NRXN1: variants seen among roughly 807,000 people sequenced by gnomAD.
The protein encoded by NRXN1 is neurexin-1.
A neutral mutation model predicts 150.9 loss-of-function variants in NRXN1; 39 were observed. That is an observed-to-expected ratio of 0.26 (90% CI 0.20 to 0.34). The LOEUF is 0.34. NRXN1 is among the 10% of genes least tolerant of loss of function. The probability of loss-of-function intolerance (pLI) is 1.00; values close to 1 mark genes in which losing one functional copy is unlikely to be tolerated. For missense variants in NRXN1, 1,815 were observed against 1,949.9 expected (o/e 0.93, Z 1.30); for synonymous variants, 924 against 757.0 (o/e 1.22, Z -3.62).
intron 8 of NRXN1, among the ~76,000 whole-genome samples, chr2:50,600,608 A>C (rs1325495655): frequency 2.0e-5 from 3 of 152,180 alleles, no homozygotes; most frequent in Non-Finnish European, 4.4e-5. Context: ...TACAGGCATA[A>C]GCCATCACGC....
intron 17 of NRXN1, among the ~76,000 whole-genome samples, chr2:50,461,583 G>C (rs1200219718): frequency 1.3e-5 from 2 of 151,958 alleles, no homozygotes; most frequent in Non-Finnish European, 1.5e-5. Context: ...GGACGAATGT[G>C]TAAGTATTAA....
At chr2:50,769,014 G>A (rs1483206605) in intron 5 of NRXN1, among the ~76,000 whole-genome samples, 1 of 151,944 alleles carries the variant, frequency 6.6e-6, no homozygotes, top group African/African-American at 2.4e-5. Context: ...CCAGCTTCCT[G>A]GGAAATAAAG....
intron 5 of NRXN1, among the ~76,000 whole-genome samples, chr2:50,628,617 G>A (rs1681637343): frequency 6.6e-6 from 1 of 151,654 alleles, no homozygotes; most frequent in African/African-American, 2.4e-5. Flanking sequence ...ATACTAAGCA[G>A]CAGAGTGTTT....
intron 2 of NRXN1, among the ~76,000 whole-genome samples, chr2:50,996,755 G>C (rs1342502740): frequency 6.6e-6 from 1 of 152,006 alleles, no homozygotes; most frequent in Non-Finnish European, 1.5e-5. Context: ...CTAGGACTCA[G>C]TCAACAGCCA....
At chr2:50,315,386 G>A (rs1331433746) in intron 17 of NRXN1, among the ~76,000 whole-genome samples, 2 of 152,076 alleles carry the variant, frequency 1.3e-5, no homozygotes, top group African/African-American at 2.4e-5. Context: ...TAAGATAGAA[G>A]GATGGAACAT....
At chr2:50,040,041 A>T (rs1452584558) in intron 21 of NRXN1, among the ~76,000 whole-genome samples, 1 of 152,144 alleles carries the variant, frequency 6.6e-6, no homozygotes, top group Non-Finnish European at 1.5e-5. Context: ...TGGTAATCTA[A>T]ATGGTCTTCA....
chr2:50,665,026 A>C (rs72885684), intron 5 of NRXN1, among the ~76,000 whole-genome samples: 4,042 of 152,120 alleles, frequency 0.027, 184 homozygotes, highest in African/African-American at 0.091. Context: ...CTAAAAGCAT[A>C]ATTAACTTGT....
chr2:50,329,847 T>A (rs545307335), intron 17 of NRXN1, among the ~76,000 whole-genome samples: 27 of 150,666 alleles, frequency 1.8e-4, no homozygotes, highest in African/African-American at 5.1e-4. Context: ...CTAATTTTTT[T>A]AATTTTAATA....
At chr2:50,469,563 G>C (rs1343724383) in intron 16 of NRXN1, among the ~76,000 whole-genome samples, 1 of 151,368 alleles carries the variant, frequency 6.6e-6, no homozygotes, top group African/African-American at 2.4e-5. Flanking sequence ...TTTAGAAAGA[G>C]AATTTATTAG....
chr2:50,039,708 T>C (rs1690626800), intron 21 of NRXN1, among the ~76,000 whole-genome samples: 1 of 152,100 alleles, frequency 6.6e-6, no homozygotes, highest in Non-Finnish European at 1.5e-5. Context: ...AGATAAGGTT[T>C]GATAGAATTA....
At chr2:50,501,350 G>A (rs72831021) in intron 13 of NRXN1, among the ~76,000 whole-genome samples, 7,949 of 151,710 alleles carry the variant, frequency 0.052, 329 homozygotes, top group Middle Eastern at 0.1. Context: ...CAGAGCTAAG[G>A]AGGATTTGAA....
At chr2:50,425,595 G>T (rs2104311264) in intron 17 of NRXN1, among the ~76,000 whole-genome samples, 1 of 152,288 alleles carries the variant, frequency 6.6e-6, no homozygotes, top group South Asian at 2.1e-4. Context: ...CTTGATCTTT[G>T]TAAATTAAGA....
chr2:50,406,281 A>C (rs1348109085), intron 17 of NRXN1, among the ~76,000 whole-genome samples: 1 of 152,170 alleles, frequency 6.6e-6, no homozygotes, highest in Non-Finnish European at 1.5e-5. Context: ...CACAGTCATA[A>C]ATCTGTTCTA....
intron 2 of NRXN1, among the ~76,000 whole-genome samples, chr2:51,003,773 T>G (rs943527139): frequency 1.3e-5 from 2 of 151,910 alleles, no homozygotes; most frequent in East Asian, 3.9e-4. Flanking sequence ...GAAGGAAAAG[T>G]TGACTAATTG....
At chr2:50,283,332 G>A (rs1302855104) in intron 17 of NRXN1, among the ~76,000 whole-genome samples, 2 of 152,258 alleles carry the variant, frequency 1.3e-5, no homozygotes, top group East Asian at 3.9e-4. Context: ...CATCTCTGAA[G>A]ATGCATTTAT....
chr2:50,468,981 T>C (rs562451557), intron 16 of NRXN1, among the ~76,000 whole-genome samples: 13 of 151,740 alleles, frequency 8.6e-5, no homozygotes, highest in African/African-American at 3.1e-4. Flanking sequence ...ACTCTGATTT[T>C]ATGTAGAGAT....
chr2:49,995,553 G>C (rs112807878), intron 21 of NRXN1, among the ~76,000 whole-genome samples: 2,605 of 151,524 alleles, frequency 0.017, 32 homozygotes, highest in Non-Finnish European at 0.026. Flanking sequence ...AGGCCGAGGC[G>C]GGCGGATCAC....
intron 8 of NRXN1, among the ~76,000 whole-genome samples, chr2:50,571,283 GAAC>G (rs1670624135): frequency 6.6e-6 from 1 of 152,168 alleles, no homozygotes; most frequent in East Asian, 1.9e-4. Context: ...TGGTCATTCA[GAAC>G]AACAGGTTTG....
At chr2:50,741,566 T>C (rs958761114) in intron 5 of NRXN1, among the ~76,000 whole-genome samples, 7 of 152,186 alleles carry the variant, frequency 4.6e-5, no homozygotes, top group Non-Finnish European at 8.8e-5. Flanking sequence ...TATTACACAT[T>C]TATTTTAATG....
Sources: allele counts gnomAD v4.1 joint callset (sites outside exome capture counted in the v4.1 genomes callset), GRCh38; gene constraint gnomAD v4.1.1; transcripts MANE v1.5; gene names NCBI Gene and HGNC (gene_info 2026-07-23, HGNC 2026-07-21).